DPF3: variants seen among roughly 807,000 people sequenced by gnomAD.
DPF3 encodes zinc finger protein DPF3.
In DPF3, 18 loss-of-function variants were observed where a neutral mutation model predicts 56.8. The ratio of observed to expected loss-of-function variants is 0.32; its 90% CI spans 0.22 to 0.47. The LOEUF (loss-of-function observed/expected upper bound fraction) is 0.47, where lower values mean the gene tolerates loss of function less well. DPF3 is among the 20% of genes least tolerant of loss of function. DPF3 has a pLI of 1.00. For missense variants in DPF3, 403 were observed against 488.8 expected, an observed-to-expected ratio of 0.82 and a Z score of 1.65; for synonymous variants, 188 against 180.2, an observed-to-expected ratio of 1.04 and a Z score of -0.35.
At chr14:72,754,888 T>C (rs943556966) in intron 2 of DPF3, among the ~76,000 whole-genome samples, 5 of 152,208 alleles carry the variant, frequency 3.3e-5, no homozygotes, top group African/African-American at 9.6e-5. Flanking sequence ...GGTCACAAGA[T>C]TGTGAACAAG....
intron 1 of DPF3, among the ~76,000 whole-genome samples, chr14:72,804,234 G>T (rs1263175995): frequency 6.9e-6 from 1 of 144,458 alleles, no homozygotes; most frequent in Non-Finnish European, 1.5e-5. Flanking sequence ...CGCAGACAAA[G>T]ATTCCCCCCT....
intron 6 of DPF3, among the ~76,000 whole-genome samples, chr14:72,714,125 G>A (rs906221292): frequency 1.3e-5 from 2 of 152,244 alleles, no homozygotes; most frequent in Non-Finnish European, 1.5e-5. Flanking sequence ...GACAGAGCGC[G>A]TGAGAGAGAG....
At chr14:72,828,738 CT>C (rs1243822550) in intron 1 of DPF3, among the ~76,000 whole-genome samples, 3 of 151,992 alleles carry the variant, frequency 2.0e-5, no homozygotes, top group African/African-American at 7.3e-5. Flanking sequence ...CCAAGAGTGC[CT>C]TGCCAAGGAG....
At chr14:72,844,177 G>A (rs2140072703) in intron 1 of DPF3, among the ~76,000 whole-genome samples, 1 of 152,340 alleles carries the variant, frequency 6.6e-6, no homozygotes, top group South Asian at 2.1e-4. Context: ...TCCATGCAAT[G>A]ATGAGAATCA....
rs139215275 is a variant in DPF3, at chr14:72,850,880, C to A, written c.32+43177G>T. ...TCATGCATGTGCTTCTAGATTAACACTCTTTCTTCTCATTAACTTCCCAGA... is the reference window on the plus strand; with the variant it reads ...TCATGCATGTGCTTCTAGATTAACAATCTTTCTTCTCATTAACTTCCCAGA... On this transcript the variant is annotated intron_variant, in intron 1 of 10. Transcript: ENST00000556509. Among the ~76,000 whole-genome samples the A allele has an allele frequency of 1.8e-4, 27 of 152,328 alleles. 1 individual carries two copies. The East Asian group carries it at 3.9e-3, about 22-fold the overall frequency.
At chr14:72,697,378 G>C (rs914909852) in intron 6 of DPF3, among the ~76,000 whole-genome samples, 1 of 152,192 alleles carries the variant, frequency 6.6e-6, no homozygotes, top group Non-Finnish European at 1.5e-5. Flanking sequence ...GCCAGGCAAA[G>C]AGGGACATCA....
chr14:72,741,752 C>T (rs1890131814), intron 3 of DPF3, among the ~76,000 whole-genome samples: 1 of 152,260 alleles, frequency 6.6e-6, no homozygotes, highest in Non-Finnish European at 1.5e-5. Flanking sequence ...CAGATGGGCC[C>T]TCGCCGTCAA....
At chr14:72,827,026 G>C (rs1019971355) in intron 1 of DPF3, among the ~76,000 whole-genome samples, 1 of 125,578 alleles carries the variant, frequency 8.0e-6, no homozygotes, top group Non-Finnish European at 1.6e-5. Flanking sequence ...TGGGCAACAA[G>C]AGCGAAACTC....
chr14:72,778,226 C>T (rs1003441478), intron 1 of DPF3, among the ~76,000 whole-genome samples: 2 of 152,178 alleles, frequency 1.3e-5, no homozygotes, highest in African/African-American at 4.8e-5. Context: ...CCAGTCCATG[C>T]CTGTTAGGAA....
intron 1 of DPF3, among the ~76,000 whole-genome samples, chr14:72,877,706 G>A (rs1487082416): frequency 6.6e-6 from 1 of 152,080 alleles, no homozygotes; most frequent in Non-Finnish European, 1.5e-5. Flanking sequence ...ATGTCCCCCT[G>A]GTGTGCTCTG....
At chr14:72,632,531 A>G (rs1462919603) in intron 8 of DPF3, among the ~76,000 whole-genome samples, 1 of 151,824 alleles carries the variant, frequency 6.6e-6, no homozygotes, top group Non-Finnish European at 1.5e-5. Context: ...AAACAAATAA[A>G]AAATTAAATC....
intron 7 of DPF3, among the ~76,000 whole-genome samples, chr14:72,677,893 G>C (rs1328900972): frequency 6.6e-6 from 1 of 152,084 alleles, no homozygotes; most frequent in Non-Finnish European, 1.5e-5. Context: ...CAAGAACATA[G>C]AAGACAATGA....
chr14:72,817,582 G>C (rs1215696601), intron 1 of DPF3, among the ~76,000 whole-genome samples: 1 of 152,196 alleles, frequency 6.6e-6, no homozygotes, highest in Admixed American at 6.5e-5. Context: ...GCCAAGGCAG[G>C]AGAATTGCTT....
At chr14:72,638,035 A>C (rs756883524) in intron 8 of DPF3, among the ~76,000 whole-genome samples, 29 of 152,220 alleles carry the variant, frequency 1.9e-4, no homozygotes, top group Non-Finnish European at 3.7e-4. Context: ...AACTGAAGGT[A>C]GACAGAGGCC....
chr14:72,721,068 A>G (rs1889150587), intron 5 of DPF3, among the ~76,000 whole-genome samples: 1 of 152,200 alleles, frequency 6.6e-6, no homozygotes, highest in Non-Finnish European at 1.5e-5. Flanking sequence ...CATTAGGACT[A>G]GACACATTTT....
chr14:72,721,381 G>A (rs912161766), intron 5 of DPF3, among the ~76,000 whole-genome samples: 3 of 152,208 alleles, frequency 2.0e-5, no homozygotes, highest in Non-Finnish European at 4.4e-5. Flanking sequence ...TTTGGTTGGG[G>A]TGAGAGAAGG....
intron 2 of DPF3, among the ~76,000 whole-genome samples, chr14:72,770,331 G>C (rs1567227370): frequency 6.6e-6 from 1 of 152,224 alleles, no homozygotes; most frequent in Non-Finnish European, 1.5e-5. Context: ...GGAGGAAAGA[G>C]AGAGAGGCAG....
At chr14:72,772,681 T>C (rs1165159868) in intron 1 of DPF3, among the ~76,000 whole-genome samples, 1 of 152,238 alleles carries the variant, frequency 6.6e-6, no homozygotes, top group Non-Finnish European at 1.5e-5. Flanking sequence ...CACGTGGTGA[T>C]GCTACTAATT....
At chr14:72,797,844 A>G (rs1892701756) in intron 1 of DPF3, among the ~76,000 whole-genome samples, 1 of 152,204 alleles carries the variant, frequency 6.6e-6, no homozygotes, top group Admixed American at 6.5e-5. Flanking sequence ...TCTCTTAATT[A>G]CCATTTCTAC....
Sources: gnomAD v4.1 joint callset for allele counts (sites outside exome capture counted in the v4.1 genomes callset) on GRCh38, gnomAD v4.1.1 for gene constraint, MANE v1.5 for transcripts, NCBI Gene and HGNC (gene_info 2026-07-23, HGNC 2026-07-21) for gene names.